Variants in PTPRN2 observed in about 807,000 individuals in gnomAD.
PTPRN2 encodes the protein receptor-type tyrosine-protein phosphatase N2.
PTPRN2 carries 74 observed loss-of-function variants against 118.8 expected under a neutral mutation model. The observed-to-expected ratio is 0.62, with a 90% confidence interval of 0.52 to 0.76. The LOEUF is 0.76. Ranked by LOEUF, PTPRN2 falls within the 30% of genes least tolerant of loss-of-function variation. The pLI, the probability that PTPRN2 is intolerant of heterozygous loss-of-function variation, is 0.00. For synonymous variants in PTPRN2, 641 were observed against 608.0 expected, an observed-to-expected ratio of 1.05 and a Z score of -0.80; for missense variants, 1,481 against 1,394.4, an observed-to-expected ratio of 1.06 and a Z score of -0.99.
chr7:158,277,387 A>C (rs1365768123), intron 3 of PTPRN2, among the ~76,000 whole-genome samples: 1 of 152,214 alleles, frequency 6.6e-6, no homozygotes, highest in African/African-American at 2.4e-5. Context: ...AATGTGCTCC[A>C]GACGGAGGAG....
At chr7:157,580,746 A>C (rs1800321175) in intron 17 of PTPRN2, among the ~76,000 whole-genome samples, 1 of 124,380 alleles carries the variant, frequency 8.0e-6, no homozygotes. Context: ...GCACCTGCAC[A>C]CCCCAGCACC....
chr7:158,406,784 G>T (rs1813480885), intron 2 of PTPRN2, among the ~76,000 whole-genome samples: 1 of 152,162 alleles, frequency 6.6e-6, no homozygotes, highest in Admixed American at 6.5e-5. Flanking sequence ...TCCTGATTTT[G>T]TTTTTTTGTA....
At chr7:157,810,768 GCACA>G (rs1805974256) in intron 12 of PTPRN2, among the ~76,000 whole-genome samples, 2 of 148,860 alleles carry the variant, frequency 1.3e-5, no homozygotes, top group Admixed American at 6.7e-5. Flanking sequence ...GGACTGCTGG[GCACA>G]GGCTCTCCAC....
intron 11 of PTPRN2, among the ~76,000 whole-genome samples, chr7:158,035,628 G>A (rs1459719719): frequency 5.3e-5 from 8 of 152,216 alleles, no homozygotes; most frequent in Non-Finnish European, 1.2e-4. Context: ...GCGGGCAGAA[G>A]AGCCTCTCTT....
intron 2 of PTPRN2, among the ~76,000 whole-genome samples, chr7:158,484,311 T>C (rs1284695681): frequency 6.6e-6 from 1 of 152,158 alleles, no homozygotes; most frequent in Admixed American, 6.5e-5. Flanking sequence ...GGCCACAACC[T>C]ACTTTCTGTC....
chr7:158,524,936 C>T (rs1245442364), intron 1 of PTPRN2, among the ~76,000 whole-genome samples: 3 of 152,162 alleles, frequency 2.0e-5, no homozygotes, highest in South Asian at 2.1e-4. Context: ...ACTGTAGTTC[C>T]GATGAGGCCA....
chr7:158,405,503 C>T (rs965356490), intron 2 of PTPRN2, among the ~76,000 whole-genome samples: 5 of 152,230 alleles, frequency 3.3e-5, no homozygotes, highest in Admixed American at 6.5e-5. Flanking sequence ...AGCGTCCGAC[C>T]GTCTCTCCTC....
intron 4 of PTPRN2, among the ~76,000 whole-genome samples, chr7:158,197,345 C>A (rs1217074363): frequency 6.6e-6 from 1 of 152,198 alleles, no homozygotes; most frequent in Non-Finnish European, 1.5e-5. Context: ...AGGAAATACA[C>A]TGGGGCTTGA....
chr7:158,149,948 A>G (rs1348530719), intron 6 of PTPRN2, among the ~76,000 whole-genome samples: 4 of 152,232 alleles, frequency 2.6e-5, no homozygotes, highest in African/African-American at 9.6e-5. Context: ...AACATATGAA[A>G]AATAAAAATA....
rs1056254492 is a variant in PTPRN2, at chr7:157,794,139, C to T, written c.1788+104534G>A. Reference sequence around the variant, plus strand: ...TCTGACCCGGGCTCGCACCTCCCCTCGTTCTCTGCTCTGACCCGGGCTCGC... The same window carrying T: ...TCTGACCCGGGCTCGCACCTCCCCTTGTTCTCTGCTCTGACCCGGGCTCGC... On this transcript the variant is annotated intron_variant, in intron 12 of 22. Coordinates refer to ENST00000389418, the MANE Select transcript of PTPRN2 (RefSeq NM_002847.5). This position sits in a 1 kb window ranked among gnomAD's most constrained non-coding sequence, Gnocchi z 5.2. Among the ~76,000 whole-genome samples the T allele has an allele frequency of 1.3e-5, 2 of 150,960 alleles. No homozygotes were observed. Among genetic ancestry groups the T allele is most frequent in the Non-Finnish European group, 3.0e-5 (2 of 67,226 alleles).
At chr7:158,315,711 G>A (rs553327828) in intron 3 of PTPRN2, among the ~76,000 whole-genome samples, 17 of 152,358 alleles carry the variant, frequency 1.1e-4, no homozygotes, top group South Asian at 2.1e-4. Flanking sequence ...CCAGGGACTC[G>A]GAGAGAATAT....
At position 158,529,470 on chromosome 7, in the gene PTPRN2, C is replaced by T. The variant is rs763166165; in HGVS notation, c.113-39685G>A. 6.6e-6 allele frequency among the ~76,000 whole-genome samples: 1 copy of T among 152,194 alleles called. No individual in the cohort carries two copies. The highest frequency in any genetic ancestry group is 1.5e-5 in the Non-Finnish European group (1 of 68,040). On this transcript the variant is annotated intron_variant, in intron 1 of 22. Coordinates refer to ENST00000389418, the MANE Select transcript of PTPRN2 (RefSeq NM_002847.5). This position sits in a 1 kb window ranked among gnomAD's most constrained non-coding sequence, Gnocchi z 4.7. The stretch of plus-strand genomic sequence containing the variant: ...AGGTGCTGCTGACCACGGCCAGCAA[C>T]GACGAGCCATGGTGACAGCTCACAC...
intron 4 of PTPRN2, among the ~76,000 whole-genome samples, chr7:158,194,690 G>A (rs56217430): frequency 0.013 from 1,925 of 152,326 alleles, 41 homozygotes; most frequent in African/African-American, 0.044. Flanking sequence ...TTTCCTGAGC[G>A]CCCAGGCACT....
At chr7:157,976,993 C>T (rs558511879) in intron 11 of PTPRN2, among the ~76,000 whole-genome samples, 39 of 151,882 alleles carry the variant, frequency 2.6e-4, no homozygotes, top group Middle Eastern at 6.8e-3. Context: ...TTATAGATTT[C>T]GTCAAATTTC....
At chr7:158,567,638 G>A (rs1454144035) in intron 1 of PTPRN2, among the ~76,000 whole-genome samples, 1 of 152,190 alleles carries the variant, frequency 6.6e-6, no homozygotes, top group Non-Finnish European at 1.5e-5. Flanking sequence ...CTTGGGCGGG[G>A]ACATGGCCCT....
chr7:157,692,714 G>A (rs1344577139), intron 12 of PTPRN2, among the ~76,000 whole-genome samples: 1 of 152,128 alleles, frequency 6.6e-6, no homozygotes, highest in Non-Finnish European at 1.5e-5. Context: ...GGGCGCGAGA[G>A]GCGAGAAACT....
intron 1 of PTPRN2, among the ~76,000 whole-genome samples, chr7:158,490,567 A>G (rs1397584912): frequency 6.6e-6 from 1 of 152,194 alleles, no homozygotes; most frequent in African/African-American, 2.4e-5. Flanking sequence ...TCCAGAAAGC[A>G]CCACCCCGCT....
At chr7:157,943,556 C>G (rs1238341497) in intron 11 of PTPRN2, among the ~76,000 whole-genome samples, 1 of 151,990 alleles carries the variant, frequency 6.6e-6, no homozygotes. Context: ...CACCAAGACA[C>G]CCACCCCAGA....
chr7:157,918,571 G>A (rs67846217), intron 11 of PTPRN2, among the ~76,000 whole-genome samples: 32,038 of 152,056 alleles, frequency 0.21, 3,726 homozygotes, highest in Admixed American at 0.36. Context: ...CGAAAACAAC[G>A]CCGTCCAGAA....
Sources: allele counts gnomAD v4.1 joint callset (sites outside exome capture counted in the v4.1 genomes callset), GRCh38; gene constraint gnomAD v4.1.1; non-coding constraint Gnocchi (gnomAD v3.1); transcripts MANE v1.5; gene names NCBI Gene and HGNC (gene_info 2026-07-23, HGNC 2026-07-21).